The following RIMS1 variants were observed in gnomAD, a reference collection of about 807,000 sequenced individuals.
The protein encoded by RIMS1 is regulating synaptic membrane exocytosis protein 1.
A neutral mutation model predicts 214.1 loss-of-function variants in RIMS1; 83 were observed. The observed-to-expected ratio is 0.39, with a 90% CI of 0.32 to 0.47. The LOEUF (loss-of-function observed/expected upper bound fraction) is 0.47, where lower values mean the gene tolerates loss of function less well. Ranked by LOEUF, RIMS1 falls within the 20% of genes least tolerant of loss-of-function variation. The pLI, the probability that RIMS1 is intolerant of heterozygous loss-of-function variation, is 0.99. For synonymous variants in RIMS1, 793 were observed against 786.8 expected (o/e 1.01, Z -0.13); for missense variants, 2,050 against 2,161.8 (o/e 0.95, Z 1.03).
chr6:72,402,365 T>C lies in RIMS1; in HGVS notation c.*1651T>C, dbSNP rs948637280. The C allele has an allele frequency of 6.6e-6, 1 of 152,610 alleles. No homozygotes were observed. Among genetic ancestry groups the C allele is most frequent in the Non-Finnish European group, 1.5e-5 (1 of 68,024 alleles). 9.5% of individuals were successfully genotyped at this position (152,610 alleles called of 1,614,324 possible). ...CTCAGTCTCTGGGTCTGTGGTGAAA[T>C]GTCTATAGATGGACTTTATTTTTTA... On this transcript the variant is annotated 3_prime_UTR_variant, in exon 34 of 34. Transcript: ENST00000521978.
chr6:72,229,862 T>G (rs2061409814), intron 6 of RIMS1, among the ~76,000 whole-genome samples: 2 of 151,854 alleles, frequency 1.3e-5, no homozygotes, highest in Non-Finnish European at 2.9e-5. Context: ...AGTATTTAAC[T>G]CACGTATGCT....
At chr6:72,275,915 A>G (rs6932771) in intron 23 of RIMS1, among the ~76,000 whole-genome samples, 107,221 of 152,126 alleles carry the variant, frequency 0.7, 38,627 homozygotes, top group East Asian at 0.98. Flanking sequence ...TTTTAGAAAA[A>G]ATACTTCTGT....
At chr6:71,978,940 T>C (rs567857655) in intron 2 of RIMS1, among the ~76,000 whole-genome samples, 1 of 152,236 alleles carries the variant, frequency 6.6e-6, no homozygotes, top group Admixed American at 6.5e-5. Context: ...CAATTCATAG[T>C]TATAATTAGG....
At chr6:72,072,618 C>G (rs533270201) in intron 2 of RIMS1, among the ~76,000 whole-genome samples, 1 of 152,224 alleles carries the variant, frequency 6.6e-6, no homozygotes, top group Admixed American at 6.5e-5. Context: ...TCATTCAACA[C>G]TTAAGGAGCA....
At position 72,402,394 on chromosome 6, in the gene RIMS1, T is replaced by C. The variant is rs2098840241; in HGVS notation, c.*1680T>C. On this transcript the variant is annotated 3_prime_UTR_variant, in exon 34 of 34. Transcript: ENST00000521978. ...TATAGATGGACTTTATTTTTTACCC[T>C]CCGGAAAACGTGATGTAGTACGGAC... The C allele has an allele frequency of 6.6e-6, 1 of 152,640 alleles. No homozygotes were observed. The highest frequency in any genetic ancestry group is 2.4e-5 in the African/African-American group (1 of 41,458). The allele number at this position is 152,640 out of a possible 1,614,324, so 9.5% of individuals were successfully genotyped here. A position where few individuals can be genotyped will look rare whatever the true frequency, so the allele number is the denominator to read the frequency against.
At chr6:71,887,918 A>G (rs1406951488) in intron 1 of RIMS1, among the ~76,000 whole-genome samples, 1 of 152,188 alleles carries the variant, frequency 6.6e-6, no homozygotes, top group African/African-American at 2.4e-5. Context: ...CCTGAATAAC[A>G]TAGAGGTTCC....
At chr6:71,929,248 A>G (rs956591686) in intron 1 of RIMS1, among the ~76,000 whole-genome samples, 20 of 152,158 alleles carry the variant, frequency 1.3e-4, no homozygotes, top group African/African-American at 4.8e-4. Context: ...TATAGAGCCG[A>G]CACAGTTGGT....
chr6:72,119,230 G>T (rs997053488), intron 4 of RIMS1, among the ~76,000 whole-genome samples: 2 of 151,176 alleles, frequency 1.3e-5, no homozygotes, highest in Non-Finnish European at 3.0e-5. Flanking sequence ...CACAACAGCT[G>T]CAAAAAATTT....
intron 6 of RIMS1, among the ~76,000 whole-genome samples, chr6:72,192,888 C>T (rs1287477134): frequency 6.6e-6 from 1 of 152,154 alleles, no homozygotes; most frequent in Non-Finnish European, 1.5e-5. Context: ...GGTGGTCTGC[C>T]TTTCCCAGTC....
At chr6:72,016,995 A>C (rs993709195) in intron 2 of RIMS1, among the ~76,000 whole-genome samples, 1 of 152,164 alleles carries the variant, frequency 6.6e-6, no homozygotes, top group Non-Finnish European at 1.5e-5. Context: ...TAACTAAAAT[A>C]TTTCATATTA....
In RIMS1 at chr6:72,400,718, A is replaced by C. The variant is rs779101387; in HGVS notation, c.*4A>C. The C allele has an allele frequency of 1.1e-5, 17 of 1,597,590 alleles. No individual in the cohort carries two copies. The highest frequency in any genetic ancestry group is 1.3e-5 in the Non-Finnish European group (15 of 1,166,048). ...GCCTCCCTGTATTCGATCATAGTGA[A>C]CTCATACCAGAGTCATTCCAATAAA... On this transcript the variant is annotated 3_prime_UTR_variant, in exon 34 of 34. Transcript: ENST00000521978.
chr6:72,169,000 T>A (rs2046663622), intron 4 of RIMS1, among the ~76,000 whole-genome samples: 1 of 152,130 alleles, frequency 6.6e-6, no homozygotes, highest in Non-Finnish European at 1.5e-5. Flanking sequence ...AGAAAGTTTT[T>A]GAGAAGCATG....
chr6:72,063,501 T>A lies in RIMS1; in HGVS notation c.246-33448T>A, dbSNP rs1828464680. ...AGCAGATGTTAACCAGAGCAGGACT[T>A]TGGGCATACCTTCAAACCCTGAAGG... is the stretch of plus-strand genomic sequence containing the variant. On this transcript the variant is annotated intron_variant, in intron 2 of 33. Coordinates refer to ENST00000521978, the MANE Select transcript of RIMS1 (RefSeq NM_014989.7). 3.3e-5 allele frequency among the ~76,000 whole-genome samples: 5 copies of A among 152,168 alleles called. No homozygotes were observed. The South Asian group carries it at 1.0e-3, about 32-fold the overall frequency.
At chr6:72,290,979 T>G in intron 25 of RIMS1, 118 bp downstream of exon 25, 1 of 858,940 alleles carries the variant, frequency 1.2e-6, no homozygotes, top group Non-Finnish European at 1.8e-6. Flanking sequence ...TTTTAATCCT[T>G]TCTTTGTGAC....
At chr6:72,153,247 T>G (rs921411679) in intron 4 of RIMS1, among the ~76,000 whole-genome samples, 1 of 150,888 alleles carries the variant, frequency 6.6e-6, no homozygotes, top group African/African-American at 2.4e-5. Flanking sequence ...TCAATTTACT[T>G]ATATTCAAAA....
intron 2 of RIMS1, among the ~76,000 whole-genome samples, chr6:72,021,832 A>G (rs1298726950): frequency 6.6e-6 from 1 of 152,112 alleles, no homozygotes; most frequent in African/African-American, 2.4e-5. Flanking sequence ...GCATGGAGCC[A>G]TCAGAAAGCA....
intron 3 of RIMS1, among the ~76,000 whole-genome samples, chr6:72,098,289 C>CTTTTTTTTTTTTTTT (rs58934201): frequency 7.0e-6 from 1 of 143,346 alleles, no homozygotes. Flanking sequence ...ATCAATATAT[C>CTTTTTTTTTTTTTTT]TTTTTTTTTT....
At position 72,400,618 on chromosome 6, in the gene RIMS1, G is replaced by A. The variant is rs377743730; in HGVS notation, c.4983G>A (p.Pro1661=). 4.2e-4 allele frequency: 684 copies of A among 1,613,768 alleles called. 1 individual carries two copies. In the African/African-American group the frequency reaches 8.0e-3, roughly 19 times the overall value. The change falls in exon 34 of 34, where the codon CCG becomes CCA. Residue 1661 remains proline (P), a synonymous_variant. Coordinates refer to ENST00000521978, the MANE Select transcript of RIMS1 (RefSeq NM_014989.7). ...TCGGATGGTACAAATTGTTCCCACC[G>A]TCCTCACTGGTGGATCCCACACTCA... is the stretch of plus-strand genomic sequence containing the variant. ...MVIGWYKLFP[P]SSLVDPTLTP... is the part of the protein sequence containing the mutation.
intron 1 of RIMS1, among the ~76,000 whole-genome samples, chr6:71,912,403 A>G (rs1161798541): frequency 2.0e-5 from 3 of 152,172 alleles, no homozygotes; most frequent in African/African-American, 7.2e-5. Flanking sequence ...TAAAGCAAAC[A>G]TAAAATACAG....
Sources: gnomAD v4.1 joint callset for allele counts (sites outside exome capture counted in the v4.1 genomes callset) on GRCh38, gnomAD v4.1.1 for gene constraint, MANE v1.5 for transcripts, NCBI Gene and HGNC (gene_info 2026-07-23, HGNC 2026-07-21) for gene names.